The following DOCK3 variants were observed in gnomAD, a reference collection of about 807,000 sequenced individuals.
The protein encoded by DOCK3 is dedicator of cytokinesis protein 3.
Under a neutral mutation model 265.6 loss-of-function variants are expected in DOCK3, and 60 were observed. The ratio of observed to expected loss-of-function variants is 0.23; its 90% confidence interval spans 0.18 to 0.28. The LOEUF (loss-of-function observed/expected upper bound fraction) is 0.28, where lower values mean the gene tolerates loss of function less well. Among genes scored for constraint, DOCK3 ranks in the 10% least tolerant of loss-of-function variants. The pLI is 1.00. For missense variants in DOCK3, 1,981 were observed against 2,594.3 expected (o/e 0.76, Z 5.14); for synonymous variants, 881 against 938.0 (o/e 0.94, Z 1.11).
intron 12 of DOCK3, among the ~76,000 whole-genome samples, chr3:51,172,819 G>T (rs2086749494): frequency 6.6e-6 from 1 of 151,860 alleles, no homozygotes; most frequent in South Asian, 2.1e-4. Context: ...ACTACTGGGG[G>T]TTTTTCTCTG....
intron 9 of DOCK3, among the ~76,000 whole-genome samples, chr3:51,112,301 A>G (rs577124957): frequency 4.6e-5 from 7 of 152,346 alleles, no homozygotes; most frequent in Middle Eastern, 3.4e-3. Context: ...GGAAAAAAGA[A>G]TAGAGAAAAA....
chr3:51,200,853 G>A (rs1331647394), intron 12 of DOCK3, among the ~76,000 whole-genome samples: 2 of 152,140 alleles, frequency 1.3e-5, no homozygotes. Flanking sequence ...AGCCAGAAGA[G>A]AGTGGGGGCC....
intron 2 of DOCK3, among the ~76,000 whole-genome samples, chr3:50,836,333 G>A (rs183968620): frequency 5.4e-4 from 82 of 152,278 alleles, no homozygotes; most frequent in Admixed American, 1.6e-3. Context: ...AGGCATTTTC[G>A]TACATCCTCT....
chr3:50,912,598 T>C (rs1050896948), intron 4 of DOCK3, among the ~76,000 whole-genome samples: 2 of 152,116 alleles, frequency 1.3e-5, no homozygotes, highest in African/African-American at 4.8e-5. Context: ...TAAAAAACTT[T>C]AGAAGTCTAC....
intron 3 of DOCK3, among the ~76,000 whole-genome samples, chr3:50,842,287 T>C (rs2045879400): frequency 6.6e-6 from 1 of 152,232 alleles, no homozygotes; most frequent in African/African-American, 2.4e-5. Flanking sequence ...TGCATATTTT[T>C]TCATGTAATT....
intron 1 of DOCK3, among the ~76,000 whole-genome samples, chr3:50,770,899 G>A (rs1034254405): frequency 3.3e-5 from 5 of 152,144 alleles, no homozygotes; most frequent in African/African-American, 9.7e-5. Context: ...TGGGGAAATT[G>A]GATATCCATA....
At chr3:50,756,031 A>G (rs2040139923) in intron 1 of DOCK3, among the ~76,000 whole-genome samples, 1 of 152,150 alleles carries the variant, frequency 6.6e-6, no homozygotes, top group Non-Finnish European at 1.5e-5. Flanking sequence ...TGAGATCCAA[A>G]TGCCCCATTC....
intron 43 of DOCK3, 122 bp from the exon 44 acceptor site, chr3:51,356,840 T>G: frequency 1.7e-6 from 2 of 1,187,484 alleles, no homozygotes; most frequent in Non-Finnish European, 2.3e-6. Flanking sequence ...GTCCAGGGAG[T>G]CTCAAGTTCA....
intron 5 of DOCK3, among the ~76,000 whole-genome samples, chr3:51,056,684 G>C (rs1031661136): frequency 1.3e-5 from 2 of 152,182 alleles, no homozygotes; most frequent in African/African-American, 4.8e-5. Context: ...CATGAGAAGA[G>C]ACTTGAAGAT....
intron 6 of DOCK3, among the ~76,000 whole-genome samples, chr3:51,068,906 G>A (rs1257839129): frequency 6.6e-6 from 1 of 152,170 alleles, no homozygotes; most frequent in Non-Finnish European, 1.5e-5. Context: ...AACTGGTCCT[G>A]TAATCTTTCA....
chr3:50,975,324 T>C (rs2108504702), intron 5 of DOCK3, among the ~76,000 whole-genome samples: 1 of 151,542 alleles, frequency 6.6e-6, no homozygotes, highest in African/African-American at 2.4e-5. Flanking sequence ...CATCAATACC[T>C]AATTTATTGA....
intron 5 of DOCK3, among the ~76,000 whole-genome samples, chr3:51,041,464 G>T (rs904995641): frequency 1.3e-5 from 2 of 151,416 alleles, no homozygotes; most frequent in African/African-American, 2.4e-5. Context: ...TGATTTGCCC[G>T]CCTCAGCTTC....
rs575971544 is a variant in DOCK3, at chr3:51,100,583, T to C, written c.746+10199T>C. Among the ~76,000 whole-genome samples the C allele has an allele frequency of 2.6e-5, 4 of 152,276 alleles. No individual in the cohort carries two copies. In the South Asian group the frequency reaches 8.3e-4, roughly 32 times the overall value. Reference sequence around the variant, plus strand: ...CTAGCAACAAAGGCTAAAAGAAAACTGTGATTTGACCCACCACAGGAGAAA... The same window carrying C: ...CTAGCAACAAAGGCTAAAAGAAAACCGTGATTTGACCCACCACAGGAGAAA... On this transcript the variant is annotated intron_variant, in intron 9 of 52. Transcript: ENST00000266037.
At chr3:51,109,894 C>G (rs1217430340) in intron 9 of DOCK3, among the ~76,000 whole-genome samples, 1 of 151,878 alleles carries the variant, frequency 6.6e-6, no homozygotes, top group Non-Finnish European at 1.5e-5. Context: ...GATCATACCA[C>G]TGCACTCAAG....
chr3:51,059,401 T>C (rs1419730043), intron 5 of DOCK3, among the ~76,000 whole-genome samples: 2 of 151,108 alleles, frequency 1.3e-5, no homozygotes, highest in Non-Finnish European at 2.9e-5. Flanking sequence ...TGTACATTAA[T>C]ACACATGATG....
At chr3:51,242,661 G>A (rs999325637) in intron 21 of DOCK3, among the ~76,000 whole-genome samples, 3 of 152,058 alleles carry the variant, frequency 2.0e-5, no homozygotes, top group Non-Finnish European at 2.9e-5. Flanking sequence ...CAGGATAGGG[G>A]AGGATCTGCT....
chr3:50,780,376 A>T (rs1458316814), intron 2 of DOCK3, among the ~76,000 whole-genome samples: 1 of 152,270 alleles, frequency 6.6e-6, no homozygotes, highest in East Asian at 1.9e-4. Flanking sequence ...AAGAAAAGGG[A>T]TTTATTTGCC....
intron 2 of DOCK3, among the ~76,000 whole-genome samples, chr3:50,810,082 CTA>C (rs1207128062): frequency 6.6e-6 from 1 of 152,106 alleles, no homozygotes; most frequent in Non-Finnish European, 1.5e-5. Context: ...CTGCAGTGAG[CTA>C]TGATTGTGCC....
intron 23 of DOCK3, among the ~76,000 whole-genome samples, chr3:51,270,052 T>C (rs2080417584): frequency 6.6e-6 from 1 of 152,188 alleles, no homozygotes; most frequent in African/African-American, 2.4e-5. Context: ...TATTATCAGA[T>C]TGTTCTCAAG....
Sources: gnomAD v4.1 joint callset for allele counts (sites outside exome capture counted in the v4.1 genomes callset) on GRCh38, gnomAD v4.1.1 for gene constraint, MANE v1.5 for transcripts, NCBI Gene and HGNC (gene_info 2026-07-23, HGNC 2026-07-21) for gene names.